The following SPAG16 variants were observed in gnomAD, a reference collection of about 807,000 sequenced individuals.
SPAG16 encodes sperm-associated antigen 16 protein.
SPAG16 carries 86 observed loss-of-function variants against 80.4 expected under a neutral mutation model. The ratio of observed to expected loss-of-function variants is 1.07; its 90% CI spans 0.90 to 1.28. The LOEUF is 1.28. Ranked by LOEUF, SPAG16 falls within the 50% of genes most tolerant of loss-of-function variation. The pLI is 0.00. For missense variants in SPAG16, 870 were observed against 765.3 expected, an observed-to-expected ratio of 1.14 and a Z score of -1.61; for synonymous variants, 294 against 265.9, an observed-to-expected ratio of 1.11 and a Z score of -1.03.
chr2:213,759,767 T>C (rs959115809), intron 10 of SPAG16, among the ~76,000 whole-genome samples: 6 of 152,222 alleles, frequency 3.9e-5, no homozygotes, highest in African/African-American at 1.2e-4. Context: ...CTGGGCGCAG[T>C]GGCTCACACC....
chr2:214,219,508 A>C (rs1396385686), intron 15 of SPAG16, among the ~76,000 whole-genome samples: 1 of 152,170 alleles, frequency 6.6e-6, no homozygotes, highest in South Asian at 2.1e-4. Context: ...CCTCACATAT[A>C]TAAAGTGCTA....
intron 12 of SPAG16, among the ~76,000 whole-genome samples, chr2:213,974,964 A>AAAAAAAAAAAC (rs1479884791): frequency 6.8e-6 from 1 of 147,590 alleles, no homozygotes; most frequent in African/African-American, 2.6e-5. Context: ...AAAAAAAAAA[A>AAAAAAAAAAAC]ACACAAAATG....
chr2:213,847,889 A>G (rs530812596), intron 10 of SPAG16, among the ~76,000 whole-genome samples: 234 of 152,266 alleles, frequency 1.5e-3, no homozygotes, highest in Middle Eastern at 0.01. Flanking sequence ...ACACACAGAC[A>G]TATAATACAA....
chr2:214,033,713 TGAGAGAGAGAAATA>T, intron 13 of SPAG16, among the ~76,000 whole-genome samples: 1 of 152,256 alleles, frequency 6.6e-6, no homozygotes, highest in Non-Finnish European at 1.5e-5. Flanking sequence ...TCTCTTTGTC[TGAGAGAGAGAAATA>T]GACTTATATT....
intron 11 of SPAG16, among the ~76,000 whole-genome samples, chr2:213,879,575 T>C (rs1424251849): frequency 6.6e-6 from 1 of 152,104 alleles, no homozygotes; most frequent in African/African-American, 2.4e-5. Context: ...ATGGGTTCAT[T>C]GTAACTAGGT....
chr2:213,528,807 T>A (rs1313416197), intron 10 of SPAG16, among the ~76,000 whole-genome samples: 1 of 152,162 alleles, frequency 6.6e-6, no homozygotes, highest in Non-Finnish European at 1.5e-5. Flanking sequence ...AATTTCATAA[T>A]GTTTTACAAA....
At chr2:214,104,804 G>C (rs1230109641) in intron 13 of SPAG16, among the ~76,000 whole-genome samples, 1 of 152,084 alleles carries the variant, frequency 6.6e-6, no homozygotes, top group East Asian at 1.9e-4. Flanking sequence ...CAAGTTTAAT[G>C]TTTACAGAGG....
chr2:213,595,373 T>C (rs566749549), intron 10 of SPAG16, among the ~76,000 whole-genome samples: 27 of 152,216 alleles, frequency 1.8e-4, no homozygotes, highest in African/African-American at 6.3e-4. Flanking sequence ...AGAATAACAA[T>C]TGAGTTTATC....
At chr2:213,674,344 G>C (rs2063945256) in intron 10 of SPAG16, among the ~76,000 whole-genome samples, 1 of 149,138 alleles carries the variant, frequency 6.7e-6, no homozygotes, top group Non-Finnish European at 1.5e-5. Context: ...ATCTAAAATT[G>C]TCCAGGTCTC....
intron 10 of SPAG16, among the ~76,000 whole-genome samples, chr2:213,575,555 C>G (rs1261266221): frequency 6.6e-6 from 1 of 151,952 alleles, no homozygotes; most frequent in Non-Finnish European, 1.5e-5. Context: ...TTTTGTGTAT[C>G]CCTTTTCCCC....
chr2:213,883,531 G>A (rs2076432307), intron 11 of SPAG16, among the ~76,000 whole-genome samples: 1 of 152,166 alleles, frequency 6.6e-6, no homozygotes, highest in Non-Finnish European at 1.5e-5. Context: ...AGGTCCATTT[G>A]CTTAAGTGTC....
intron 11 of SPAG16, among the ~76,000 whole-genome samples, chr2:213,921,429 G>C (rs1268450318): frequency 6.6e-6 from 1 of 152,140 alleles, no homozygotes; most frequent in Non-Finnish European, 1.5e-5. Context: ...GGATGTCATT[G>C]TATGTGAGAT....
At chr2:213,347,681 T>C (rs1467325774) in intron 6 of SPAG16, among the ~76,000 whole-genome samples, 2 of 152,218 alleles carry the variant, frequency 1.3e-5, no homozygotes, top group Admixed American at 6.5e-5. Context: ...TCAGTTTCCA[T>C]GTAGTTGAGC....
intron 9 of SPAG16, among the ~76,000 whole-genome samples, chr2:213,416,811 G>A (rs146127237): frequency 2.6e-5 from 4 of 152,250 alleles, no homozygotes; most frequent in Non-Finnish European, 2.9e-5. Flanking sequence ...AAGACAGGGG[G>A]CACAGTAAAC....
intron 10 of SPAG16, among the ~76,000 whole-genome samples, chr2:213,643,346 TTTTATATATATATATATATA>T (rs1302616612): frequency 0.027 from 1,945 of 72,580 alleles, 168 homozygotes; most frequent in East Asian, 0.029. Flanking sequence ...TGGATCTTAA[TTTTATATATATATATATATA>T]TATATATATA....
At chr2:214,183,513 A>T (rs188656403) in intron 15 of SPAG16, among the ~76,000 whole-genome samples, 9 of 152,122 alleles carry the variant, frequency 5.9e-5, no homozygotes, top group African/African-American at 2.2e-4. Flanking sequence ...TCAAGTCAGG[A>T]AAAGGAGTGA....
At chr2:213,653,487 G>A (rs955808532) in intron 10 of SPAG16, among the ~76,000 whole-genome samples, 2 of 152,102 alleles carry the variant, frequency 1.3e-5, no homozygotes, top group Admixed American at 6.5e-5. Context: ...TATCATTCAA[G>A]TGAGATAATT....
At chr2:213,624,771 G>A (rs1033772827) in intron 10 of SPAG16, among the ~76,000 whole-genome samples, 1 of 152,146 alleles carries the variant, frequency 6.6e-6, no homozygotes, top group East Asian at 1.9e-4. Flanking sequence ...TCTTGGACAA[G>A]ATACTTAAGG....
At chr2:213,855,052 G>C (rs902567385) in intron 10 of SPAG16, among the ~76,000 whole-genome samples, 6 of 152,192 alleles carry the variant, frequency 3.9e-5, no homozygotes, top group African/African-American at 1.4e-4. Flanking sequence ...GCCAACCTCT[G>C]CTTTAGACCA....
Sources: allele counts gnomAD v4.1 joint callset (sites outside exome capture counted in the v4.1 genomes callset), GRCh38; gene constraint gnomAD v4.1.1; transcripts MANE v1.5; gene names NCBI Gene and HGNC (gene_info 2026-07-23, HGNC 2026-07-21).